The following PKD2 variants were observed in gnomAD, a reference collection of about 807,000 sequenced individuals.
PKD2 encodes the protein polycystin-2.
A neutral mutation model predicts 105.9 loss-of-function variants in PKD2; 48 were observed. The ratio of observed to expected loss-of-function variants is 0.45; its 90% confidence interval spans 0.36 to 0.58. The LOEUF (loss-of-function observed/expected upper bound fraction) is 0.58, where lower values mean the gene tolerates loss of function less well. PKD2 is among the 20% of genes least tolerant of loss of function. PKD2 has a pLI of 0.00. For missense variants in PKD2, 1,078 were observed against 1,255.3 expected, an observed-to-expected ratio of 0.86 and a Z score of 2.13; for synonymous variants, 464 against 481.1, an observed-to-expected ratio of 0.96 and a Z score of 0.46.
chr4:88,070,381 C>T (rs562779685), intron 13 of PKD2, among the ~76,000 whole-genome samples: 3 of 151,648 alleles, frequency 2.0e-5, no homozygotes, highest in Admixed American at 6.6e-5. Context: ...CTTTGGGACC[C>T]GCATTATGCA....
chr4:88,040,068 G>A (rs779631039), intron 4 of PKD2, among the ~76,000 whole-genome samples: 10 of 151,998 alleles, frequency 6.6e-5, no homozygotes, highest in Non-Finnish European at 7.3e-5. Flanking sequence ...GTTATTTCAC[G>A]CATTATCTCA....
chr4:88,070,679 C>T (rs1258117034), intron 13 of PKD2, among the ~76,000 whole-genome samples: 1 of 150,328 alleles, frequency 6.7e-6, no homozygotes, highest in Non-Finnish European at 1.5e-5. Flanking sequence ...ATCACCCAGG[C>T]TGGAGTACAG....
chr4:88,035,939 A>C (rs868343351), intron 2 of PKD2: 1 of 446,634 alleles, frequency 2.2e-6, no homozygotes, highest in Non-Finnish European at 4.2e-6. Flanking sequence ...GTAGTCCTAA[A>C]TATCAAGTAA....
intron 13 of PKD2, among the ~76,000 whole-genome samples, chr4:88,071,975 C>CTTTTTTTTTT (rs1199490302): frequency 1.1e-5 from 1 of 87,110 alleles, no homozygotes; most frequent in African/African-American, 4.8e-5. Context: ...AGAGGCCAGT[C>CTTTTTTTTTT]TTTTTTTTTT....
chr4:88,027,585 G>A (rs1051407851), intron 2 of PKD2, among the ~76,000 whole-genome samples: 1 of 152,180 alleles, frequency 6.6e-6, no homozygotes, highest in East Asian at 1.9e-4. Context: ...AGACATTGGG[G>A]TTCTGTTGGG....
At chr4:88,027,495 C>T (rs1726998737) in intron 2 of PKD2, among the ~76,000 whole-genome samples, 1 of 152,206 alleles carries the variant, frequency 6.6e-6, no homozygotes, top group African/African-American at 2.4e-5. Flanking sequence ...TTTGATTTTA[C>T]AGACTCAGGC....
intron 2 of PKD2, among the ~76,000 whole-genome samples, chr4:88,029,173 A>G (rs1727059890): frequency 6.6e-6 from 1 of 152,072 alleles, no homozygotes; most frequent in Non-Finnish European, 1.5e-5. Context: ...TTGGCATTCT[A>G]GGACTTCCCT....
At chr4:88,057,943 C>CT (rs1248498711) in intron 8 of PKD2, 40 bp from the exon 9 acceptor site, 1 of 1,505,256 alleles carries the variant, frequency 6.6e-7, no homozygotes, top group Admixed American at 1.7e-5. Flanking sequence ...AGTGGACATT[C>CT]TTTGTTTTTG....
At chr4:88,056,715 C>T (rs115490209) in intron 8 of PKD2, among the ~76,000 whole-genome samples, 84 of 151,452 alleles carry the variant, frequency 5.5e-4, no homozygotes, top group African/African-American at 2.0e-3. Context: ...GTTTTTTTTT[C>T]CAAAGATCCC....
At chr4:88,008,495 G>C (rs1044308131) in intron 1 of PKD2, among the ~76,000 whole-genome samples, 167 bp downstream of exon 1, 2 of 152,162 alleles carry the variant, frequency 1.3e-5, no homozygotes, top group Non-Finnish European at 2.9e-5. Context: ...CCCTATTTCC[G>C]GTACCCAGCG....
In PKD2 at chr4:88,038,370, A is replaced by T; in HGVS notation, c.963A>T (p.Ile321=). The T allele has an allele frequency of 6.2e-7, 1 of 1,614,088 alleles. No individual in the cohort carries two copies. Among genetic ancestry groups the T allele is most frequent in the Non-Finnish European group, 8.5e-7 (1 of 1,179,950 alleles). ...ACCTGCTGTTAGGGGTTCCACGAAT[A>T]CGGCAACTCCGAGTCAGAAATGGAT... ...YENLLLGVPR[I]RQLRVRNGSC... Residue 321 remains isoleucine (I), a synonymous_variant, in exon 4 of 15, where the codon ATA becomes ATT. Coordinates refer to ENST00000237596, the MANE Select transcript of PKD2 (RefSeq NM_000297.4).
chr4:88,032,291 C>T (rs1412372107), intron 2 of PKD2, among the ~76,000 whole-genome samples: 5 of 152,090 alleles, frequency 3.3e-5, no homozygotes, highest in Admixed American at 3.3e-4. Context: ...TATTTTTCAA[C>T]ATTATTAAGA....
intron 1 of PKD2, among the ~76,000 whole-genome samples, chr4:88,012,531 CCTCT>C (rs980542435): frequency 1.3e-5 from 2 of 152,156 alleles, no homozygotes; most frequent in East Asian, 1.9e-4. Context: ...GGAGAGCCTG[CCTCT>C]CTATTTTTTT....
chr4:88,027,451 AC>A (rs897960790), intron 2 of PKD2, among the ~76,000 whole-genome samples: 5 of 152,240 alleles, frequency 3.3e-5, no homozygotes, highest in African/African-American at 1.2e-4. Context: ...CAATGCCTGT[AC>A]CCCCATTGTA....
intron 2 of PKD2, among the ~76,000 whole-genome samples, chr4:88,033,549 A>G (rs1560605744): frequency 6.6e-6 from 1 of 152,202 alleles, no homozygotes; most frequent in Non-Finnish European, 1.5e-5. Flanking sequence ...TGGTGAAGCT[A>G]TTAAAGCCAA....
rs747196319 is a variant in PKD2 at position 88,067,879 on chromosome 4, G to A, written c.2359-19G>A. Reference sequence around the variant, plus strand: ...GTCTCAGTGTTCTGCTCCTCACTCAGTGACCCCTTGTTCTTCAGGAGGACC... The same window carrying A: ...GTCTCAGTGTTCTGCTCCTCACTCAATGACCCCTTGTTCTTCAGGAGGACC... On this transcript the variant is annotated intron_variant, in intron 12 of 14. Coordinates refer to ENST00000237596, the MANE Select transcript of PKD2 (RefSeq NM_000297.4). 6.2e-7 allele frequency: 1 copy of A among 1,611,900 alleles called. No homozygotes were observed. Among genetic ancestry groups the A allele is most frequent in the African/African-American group, 1.3e-5 (1 of 74,856 alleles).
chr4:88,019,913 G>A (rs751293225), intron 2 of PKD2, among the ~76,000 whole-genome samples: 7 of 152,164 alleles, frequency 4.6e-5, no homozygotes, highest in Admixed American at 1.3e-4. Flanking sequence ...GTGGACTTGC[G>A]TTTAACACAG....
chr4:88,075,869 A>AT lies in PKD2; in HGVS notation c.*184dup, dbSNP rs533244915. The AT allele has an allele frequency of 5.9e-4, 383 of 648,926 alleles. 3 individuals carry two copies. The highest frequency in any genetic ancestry group is 3.8e-3 in the South Asian group (211 of 55,228). The allele number at this position is 648,926 out of a possible 1,614,324, so 40.2% of individuals were successfully genotyped here. The stretch of plus-strand genomic sequence containing the variant: ...TATAAACTTTACCCATGGTTCAAAG[A>AT]TTTTTTTTTCTTTTTCTCATATAAG... On this transcript the variant is annotated 3_prime_UTR_variant, in exon 15 of 15. Coordinates refer to ENST00000237596, the MANE Select transcript of PKD2 (RefSeq NM_000297.4).
intron 10 of PKD2, among the ~76,000 whole-genome samples, chr4:88,064,658 G>A (rs1173564109): frequency 3.9e-5 from 6 of 151,918 alleles, no homozygotes; most frequent in East Asian, 1.9e-4. Flanking sequence ...TTTGGAAGGC[G>A]AGGCAGGCAG....
Sources: gnomAD v4.1 joint callset for allele counts (sites outside exome capture counted in the v4.1 genomes callset) on GRCh38, gnomAD v4.1.1 for gene constraint, MANE v1.5 for transcripts, NCBI Gene and HGNC (gene_info 2026-07-23, HGNC 2026-07-21) for gene names.